SCN10A: variants seen among roughly 807,000 people sequenced by gnomAD.
SCN10A encodes sodium channel protein type 10 subunit alpha.
A neutral mutation model predicts 170.7 loss-of-function variants in SCN10A; 162 were observed. The ratio of observed to expected loss-of-function variants is 0.95; its 90% CI spans 0.84 to 1.08. SCN10A has a LOEUF of 1.08. Ranked by LOEUF, SCN10A falls within the 50% of genes least tolerant of loss-of-function variation. The pLI is 0.00. For synonymous variants in SCN10A, 985 were observed against 904.6 expected, an observed-to-expected ratio of 1.09 and a Z score of -1.59; for missense variants, 2,527 against 2,436.9, an observed-to-expected ratio of 1.04 and a Z score of -0.78.
chr3:38,814,041 T>C (rs4368436), intron 1 of SCN10A, among the ~76,000 whole-genome samples: 71,799 of 151,954 alleles, frequency 0.47, 18,659 homozygotes, highest in African/African-American at 0.7. Flanking sequence ...GGGAGAGAGA[T>C]ACATACAGGC....
intron 6 of SCN10A, among the ~76,000 whole-genome samples, chr3:38,763,280 G>A (rs140436497): frequency 2.0e-5 from 3 of 152,312 alleles, no homozygotes; most frequent in Non-Finnish European, 4.4e-5. Context: ...TGGTATGTGG[G>A]AAGAGCACTG....
intron 1 of SCN10A, among the ~76,000 whole-genome samples, chr3:38,810,461 G>A (rs2064433406): frequency 6.6e-6 from 1 of 152,088 alleles, no homozygotes; most frequent in African/African-American, 2.4e-5. Context: ...CTTCTAGATG[G>A]CAAATTTGGA....
At position 38,747,210 on chromosome 3, in the gene SCN10A, G is replaced by A. The variant is rs116018808; in HGVS notation, c.1867+2863C>T. Among the ~76,000 whole-genome samples the A allele has an allele frequency of 4.5e-3, 680 of 152,124 alleles. 8 individuals carry two copies. The highest frequency in any genetic ancestry group is 0.015 in the African/African-American group (636 of 41,504). On this transcript the variant is annotated intron_variant, in intron 13 of 27. Coordinates refer to ENST00000449082, the MANE Select transcript of SCN10A (RefSeq NM_006514.4). ...ACTGTCACAGCATCTTCCTTGAGGG[G>A]AAGTCTACCCTACCCCAACATATTT...
At chr3:38,725,450 C>T (rs544723760) in intron 17 of SCN10A, 136 bp from the exon 18 acceptor site, 8 of 638,470 alleles carry the variant, frequency 1.3e-5, no homozygotes, top group Middle Eastern at 2.7e-4. Context: ...TACATATATA[C>T]ATACACGTGT....
At chr3:38,813,794 A>G (rs541798066) in intron 1 of SCN10A, among the ~76,000 whole-genome samples, 1 of 152,256 alleles carries the variant, frequency 6.6e-6, no homozygotes, top group Non-Finnish European at 1.5e-5. Context: ...AAGGACAAAT[A>G]TTAATAGTTC....
rs79269945 is a variant in SCN10A, at chr3:38,775,967, A to G, written c.471-4560T>C. Among the ~76,000 whole-genome samples the G allele has an allele frequency of 2.5e-3, 388 of 152,206 alleles. 1 individual carries two copies. Among genetic ancestry groups the G allele is most frequent in the African/African-American group, 8.7e-3 (363 of 41,560 alleles). On this transcript the variant is annotated intron_variant, in intron 4 of 27. Transcript: ENST00000449082. ...CAACCTTTAACATAAAATTTTCACA[A>G]TTTTATACTGGGAAAGCCTTATTTT... is the stretch of plus-strand genomic sequence containing the variant.
At chr3:38,722,058 G>C (rs1028323478) in intron 20 of SCN10A, among the ~76,000 whole-genome samples, 200 bp downstream of exon 20, 1 of 152,230 alleles carries the variant, frequency 6.6e-6, no homozygotes, top group Non-Finnish European at 1.5e-5. Flanking sequence ...GGCAGGCCAT[G>C]GCACGGGCAC....
At chr3:38,736,462 A>G (rs978527968) in intron 15 of SCN10A, among the ~76,000 whole-genome samples, 20 of 150,912 alleles carry the variant, frequency 1.3e-4, no homozygotes, top group Admixed American at 7.3e-4. Flanking sequence ...GTTTTCTGAA[A>G]ACTGAAAACT....
In SCN10A at chr3:38,815,105, G is replaced by C. The variant is rs558651805; in HGVS notation, c.-33+932C>G. Among the ~76,000 whole-genome samples the C allele has an allele frequency of 1.1e-4, 17 of 152,122 alleles. 1 individual carries two copies. The highest frequency in any genetic ancestry group is 3.9e-4 in the African/African-American group (16 of 41,448). On this transcript the variant is annotated intron_variant, in intron 1 of 27. Coordinates refer to ENST00000449082, the MANE Select transcript of SCN10A (RefSeq NM_006514.4). ...TTACACTAAGTGTGCTAGAGCTATG[G>C]GGGAAAAAAAGCCAAACAAAGCCAG...
rs140788096 is a variant in SCN10A at position 38,770,613 on chromosome 3, C to G, written c.599+666G>C. Among the ~76,000 whole-genome samples, 220 of 152,244 alleles carry G rather than the reference C, an allele frequency of 1.4e-3. 1 individual carries two copies. Among genetic ancestry groups the G allele is most frequent in the African/African-American group, 5.2e-3 (217 of 41,554 alleles). On this transcript the variant is annotated intron_variant, in intron 5 of 27. Transcript: ENST00000449082. Reference sequence around the variant, plus strand: ...TTGCTCCTGCAGTGCCCTACTCAGACCTTGCCCCAGGCTGTGAGCTTCCCC... The same window carrying G: ...TTGCTCCTGCAGTGCCCTACTCAGAGCTTGCCCCAGGCTGTGAGCTTCCCC...
chr3:38,792,080 C>T lies in SCN10A; in HGVS notation c.359G>A (p.Arg120Lys). The T allele has an allele frequency of 6.2e-7, 1 of 1,613,816 alleles. No homozygotes were observed. The highest frequency in any genetic ancestry group is 1.1e-5 in the South Asian group (1 of 91,068). ...LWLFSPFNLIRRTAIKVSVHS... is the reference protein window; with the variant it reads ...LWLFSPFNLIKRTAIKVSVHS... ...GACAGACACTTTGATGGCCGTTCTT[C>T]TGATCAGGTTGAAAGGACTGAATAG... The change falls in exon 3 of 28, where the codon AGA becomes AAA. Residue 120 changes from arginine to lysine, a missense_variant. Transcript: ENST00000449082.
chr3:38,790,710 T>A (rs897885582), intron 3 of SCN10A, among the ~76,000 whole-genome samples: 2 of 152,140 alleles, frequency 1.3e-5, no homozygotes, highest in Non-Finnish European at 2.9e-5. Flanking sequence ...CAGGCTGGAC[T>A]TCTTAACTAG....
At chr3:38,743,668 T>G (rs1306735790) in intron 13 of SCN10A, among the ~76,000 whole-genome samples, 3 of 152,232 alleles carry the variant, frequency 2.0e-5, no homozygotes, top group Non-Finnish European at 4.4e-5. Flanking sequence ...CTCTGGGGAC[T>G]GCATCATCTC....
At chr3:38,709,376 GA>G in intron 25 of SCN10A, 101 bp downstream of exon 25, 1 of 1,179,300 alleles carries the variant, frequency 8.5e-7, no homozygotes. Context: ...GATGGGCTGT[GA>G]GTAGTGTTGG....
chr3:38,752,259 G>T lies in SCN10A; in HGVS notation c.1715C>A (p.Pro572Gln), dbSNP rs553784643. Residue 572 changes from proline (P) to glutamine (Q), a missense_variant, in exon 12 of 28, where the codon CCG (proline) becomes CAG (glutamine). Pro to Gln is a moderately conservative substitution (Grantham distance 76). Transcript: ENST00000449082. ...SRHGEDEHQPPPTSELAPGAV... is the reference protein window; with the variant it reads ...SRHGEDEHQPQPTSELAPGAV... ...TCCAGGGGCAAGCTCACTAGTGGGCGGCGGTTGGTGTTCATCTTCTCCATG... is the reference window on the plus strand; with the variant it reads ...TCCAGGGGCAAGCTCACTAGTGGGCTGCGGTTGGTGTTCATCTTCTCCATG... The T allele has an allele frequency of 6.4e-7, 1 of 1,571,840 alleles. No homozygotes were observed. Among genetic ancestry groups the T allele is most frequent in the African/African-American group, 1.4e-5 (1 of 73,250 alleles).
At chr3:38,724,892 A>G (rs1338574417) in intron 18 of SCN10A, among the ~76,000 whole-genome samples, 1 of 152,206 alleles carries the variant, frequency 6.6e-6, no homozygotes, top group Non-Finnish European at 1.5e-5. Context: ...AGGTTTGGGA[A>G]CTGATCTTAG....
In SCN10A at chr3:38,726,662, C is replaced by G; in HGVS notation, c.3031G>C (p.Asp1011His). Residue 1011 changes from aspartate (D) to histidine (H), a missense_variant, in exon 17 of 28, where the codon GAT becomes CAT. Asp to His is a moderately conservative substitution (Grantham distance 81, BLOSUM62 -1). Transcript: ENST00000449082. Reference protein sequence around the residue: ...EGESDLDDLEDDGGEDAQSFQ... With the variant: ...EGESDLDDLEHDGGEDAQSFQ... Reference sequence around the variant, plus strand: ...CTCTGAGCATCTTCCCCACCATCATCCTCCAAGTCATCAAGATCAGATTCA... The same window carrying G: ...CTCTGAGCATCTTCCCCACCATCATGCTCCAAGTCATCAAGATCAGATTCA... The G allele has an allele frequency of 6.2e-7, 1 of 1,608,632 alleles. No homozygotes were observed. The highest frequency in any genetic ancestry group is 8.5e-7 in the Non-Finnish European group (1 of 1,175,662).
Position 38,698,197 on chromosome 3 carries a change from G to T in SCN10A, c.5023C>A (p.Pro1675Thr), listed in dbSNP as rs758877832. Residue 1675 changes from proline to threonine, a missense_variant, in exon 28 of 28, where the codon CCC becomes ACC. Transcript: ENST00000449082. ...GGCAGATTGGGGTCACAGTAGGGGGGCCCTGTGTTGAGGATGGGGCTGAGG... is the reference window on the plus strand; with the variant it reads ...GGCAGATTGGGGTCACAGTAGGGGGTCCCTGTGTTGAGGATGGGGCTGAGG... ...GLLSPILNTG[P>T]PYCDPNLPNS... 20 of 1,614,020 alleles carry T rather than the reference G, an allele frequency of 1.2e-5. No homozygotes were observed. In the South Asian group the frequency reaches 1.9e-4, roughly 15 times the overall value.
chr3:38,702,201 AC>A, intron 26 of SCN10A, 92 bp from the exon 27 acceptor site: 1 of 1,337,784 alleles, frequency 7.5e-7, no homozygotes, highest in Non-Finnish European at 1.0e-6. Context: ...TCTCCATCAC[AC>A]TCCACATCTT....
Sources: allele counts gnomAD v4.1 joint callset (sites outside exome capture counted in the v4.1 genomes callset), GRCh38; gene constraint gnomAD v4.1.1; transcripts MANE v1.5; gene names NCBI Gene and HGNC (gene_info 2026-07-23, HGNC 2026-07-21).